Variants in CCDC3 observed in about 807,000 individuals in gnomAD.
CCDC3 encodes coiled-coil domain containing 3, also known as coiled-coil domain-containing protein 3.
A neutral mutation model predicts 21.4 loss-of-function variants in CCDC3; 24 were observed. The ratio of observed to expected loss-of-function variants is 1.12; its 90% CI spans 0.81 to 1.58. CCDC3 has a LOEUF of 1.58. CCDC3 is among the 40% of genes most tolerant of loss of function. CCDC3 has a pLI of 0.00. For missense variants in CCDC3, 425 were observed against 360.9 expected (o/e 1.18, Z -1.44); for synonymous variants, 186 against 166.0 (o/e 1.12, Z -0.93).
At position 12,940,973 on chromosome 10, in the gene CCDC3, T is replaced by G. The variant is rs375118032; in HGVS notation, c.550-42294A>C. Reference sequence around the variant, plus strand: ...GATACTCTGTGGGTGTGGTCAGACATGTATGAACCAGAGCGACTCCATTTT... The same window carrying G: ...GATACTCTGTGGGTGTGGTCAGACAGGTATGAACCAGAGCGACTCCATTTT... On this transcript the variant is annotated intron_variant, in intron 2 of 2. Transcript: ENST00000378825. Among the ~76,000 whole-genome samples the G allele has an allele frequency of 2.9e-3, 441 of 152,260 alleles. 4 individuals carry two copies. The highest frequency in any genetic ancestry group is 0.01 in the African/African-American group (416 of 41,548).
At chr10:12,956,697 T>C (rs1311033692) in intron 2 of CCDC3, among the ~76,000 whole-genome samples, 2 of 152,246 alleles carry the variant, frequency 1.3e-5, no homozygotes, top group Non-Finnish European at 2.9e-5. Flanking sequence ...CTCTGAGCCC[T>C]CTTCTTAGCT....
chr10:12,962,791 C>T (rs1003037504), intron 2 of CCDC3, among the ~76,000 whole-genome samples: 1 of 152,088 alleles, frequency 6.6e-6, no homozygotes, highest in African/African-American at 2.4e-5. Flanking sequence ...TCAGAATACA[C>T]AAGAGTAAAG....
chr10:13,037,474 A>G (rs144545925), intron 5 of CCDC3, among the ~76,000 whole-genome samples: 16 of 152,328 alleles, frequency 1.1e-4, no homozygotes, highest in Non-Finnish European at 2.1e-4. Context: ...ACATTGTAGA[A>G]GGTGATCATG....
intron 2 of CCDC3, among the ~76,000 whole-genome samples, chr10:12,993,387 T>A (rs1323920348): frequency 6.6e-6 from 1 of 152,142 alleles, no homozygotes; most frequent in Non-Finnish European, 1.5e-5. Context: ...GATTACAAGT[T>A]GAGCTTAGAG....
At chr10:13,019,757 A>G (rs1836121408) in intron 5 of CCDC3, among the ~76,000 whole-genome samples, 1 of 152,204 alleles carries the variant, frequency 6.6e-6, no homozygotes, top group Non-Finnish European at 1.5e-5. Flanking sequence ...GCACTTTGGG[A>G]GGCCAGGCTG....
intron 2 of CCDC3, among the ~76,000 whole-genome samples, chr10:12,937,551 C>T (rs1371061493): frequency 2.0e-5 from 3 of 152,128 alleles, no homozygotes; most frequent in African/African-American, 7.2e-5. Flanking sequence ...CAGCCTCGAC[C>T]TCCTGGGCTC....
At chr10:12,929,071 G>A (rs1362821237) in intron 2 of CCDC3, among the ~76,000 whole-genome samples, 2 of 152,004 alleles carry the variant, frequency 1.3e-5, no homozygotes, top group Non-Finnish European at 2.9e-5. Context: ...AGACCATCCT[G>A]GCCAAGATGG....
At chr10:13,012,860 A>G (rs1021369670) in intron 5 of CCDC3, among the ~76,000 whole-genome samples, 1 of 152,172 alleles carries the variant, frequency 6.6e-6, no homozygotes, top group African/African-American at 2.4e-5. Context: ...CCAAGTCACA[A>G]GTTTACCTAT....
chr10:12,954,561 G>T (rs1433098084), intron 2 of CCDC3, among the ~76,000 whole-genome samples: 1 of 152,202 alleles, frequency 6.6e-6, no homozygotes. Context: ...GGTGGAAGGT[G>T]AAGGGAAGCT....
intron 3 of CCDC3, among the ~76,000 whole-genome samples, chr10:13,087,964 T>TC (rs1284469849): frequency 1.3e-5 from 2 of 152,154 alleles, no homozygotes; most frequent in African/African-American, 4.8e-5. Flanking sequence ...AATGATCAGA[T>TC]CCAGGATTCC....
At chr10:13,008,690 C>CT (rs1421321214) in intron 5 of CCDC3, among the ~76,000 whole-genome samples, 2 of 152,170 alleles carry the variant, frequency 1.3e-5, no homozygotes, top group African/African-American at 4.8e-5. Flanking sequence ...TGGATATACA[C>CT]TTTTATCTGT....
In CCDC3 at chr10:12,897,333, G is replaced by C. The variant is rs529127197; in HGVS notation, c.*1083C>G. 1 of 152,222 alleles carries C rather than the reference G, an allele frequency of 6.6e-6. No individual in the cohort carries two copies. The highest frequency in any genetic ancestry group is 1.5e-5 in the Non-Finnish European group (1 of 68,066). The allele number at this position is 152,222 out of a possible 1,614,324, so 9.4% of individuals were successfully genotyped here. A position where few individuals can be genotyped will look rare whatever the true frequency, so the allele number is the denominator to read the frequency against. On this transcript the variant is annotated 3_prime_UTR_variant, in exon 3 of 3. Coordinates refer to ENST00000378825, the MANE Select transcript of CCDC3 (RefSeq NM_031455.4). ...TCTTAAAAGTTTTATTTCCAGAAAG[G>C]TGAAGTGCTTTGGTGGTGTAAGGAA...
intron 2 of CCDC3, among the ~76,000 whole-genome samples, chr10:12,992,277 C>T (rs1280829639): frequency 1.3e-5 from 2 of 152,056 alleles, no homozygotes; most frequent in Non-Finnish European, 2.9e-5. Flanking sequence ...GTAGTCCCAG[C>T]TACTCAGGGG....
intron 5 of CCDC3, among the ~76,000 whole-genome samples, chr10:13,044,558 C>T (rs1564331088): frequency 6.6e-6 from 1 of 152,164 alleles, no homozygotes; most frequent in Non-Finnish European, 1.5e-5. Context: ...CATTCTTCTG[C>T]ATGTGGACAG....
At chr10:12,986,129 T>G (rs1835586838) in intron 2 of CCDC3, among the ~76,000 whole-genome samples, 1 of 152,236 alleles carries the variant, frequency 6.6e-6, no homozygotes, top group African/African-American at 2.4e-5. Flanking sequence ...CATAAATGAC[T>G]GCCTGTGTAA....
At chr10:12,912,482 C>G (rs894930382) in intron 2 of CCDC3, among the ~76,000 whole-genome samples, 2 of 152,102 alleles carry the variant, frequency 1.3e-5, no homozygotes, top group Non-Finnish European at 2.9e-5. Flanking sequence ...GGCTTTCTTG[C>G]TGTTGGGTGT....
At chr10:13,043,568 G>A (rs988871103) in intron 5 of CCDC3, among the ~76,000 whole-genome samples, 4 of 152,132 alleles carry the variant, frequency 2.6e-5, no homozygotes, top group African/African-American at 9.7e-5. Flanking sequence ...ATTCCAGCCA[G>A]GGGGGACAGA....
chr10:13,034,123 A>C (rs549031232), intron 5 of CCDC3, among the ~76,000 whole-genome samples: 83 of 152,342 alleles, frequency 5.4e-4, no homozygotes, highest in Non-Finnish European at 6.8e-4. Flanking sequence ...TTAGATTAAG[A>C]AAATGTGGCA....
At chr10:12,900,945 T>C (rs1263261567) in intron 2 of CCDC3, among the ~76,000 whole-genome samples, 3 of 152,124 alleles carry the variant, frequency 2.0e-5, no homozygotes, top group South Asian at 2.1e-4. Flanking sequence ...TGCAGACCGA[T>C]AGCCGATAGC....
Sources: allele counts gnomAD v4.1 joint callset (sites outside exome capture counted in the v4.1 genomes callset), GRCh38; gene constraint gnomAD v4.1.1; transcripts MANE v1.5; gene names NCBI Gene and HGNC (gene_info 2026-07-23, HGNC 2026-07-21).